Variants in CCDC9 observed in about 807,000 individuals in gnomAD.
The protein encoded by CCDC9 is coiled-coil domain containing 9.
In CCDC9, 52 loss-of-function variants were observed where a neutral mutation model predicts 65.6. The observed-to-expected ratio is 0.79, with a 90% CI of 0.63 to 1.00. The LOEUF is 1.00. CCDC9 is among the 50% of genes least tolerant of loss of function. The pLI, the probability that CCDC9 is intolerant of heterozygous loss-of-function variation, is 0.00. For missense variants in CCDC9, 834 were observed against 757.2 expected, an observed-to-expected ratio of 1.10 and a Z score of -1.19; for synonymous variants, 332 against 280.3, an observed-to-expected ratio of 1.18 and a Z score of -1.84.
intron 7 of CCDC9, 38 bp from the exon 8 acceptor site, chr19:47,266,573 C>T (rs771309913): frequency 3.3e-5 from 49 of 1,479,918 alleles, no homozygotes; most frequent in South Asian, 5.4e-5. Context: ...GGGTAGGGTG[C>T]GGGACATCAC....
chr19:47,271,037 G>C, intron 10 of CCDC9, 45 bp from the exon 11 acceptor site: 4 of 1,412,388 alleles, frequency 2.8e-6, no homozygotes, highest in Non-Finnish European at 3.9e-6. Flanking sequence ...CCTTCCTCCT[G>C]TCTACTCTCC....
chr19:47,257,447 G>A (rs1370248492), intron 1 of CCDC9: 1 of 150,948 alleles, frequency 6.6e-6, no homozygotes, highest in African/African-American at 2.4e-5. Context: ...AGTCTGGCGG[G>A]AAAGGCGGGG....
intron 8 of CCDC9, among the ~76,000 whole-genome samples, chr19:47,267,666 A>G (rs893275043): frequency 2.0e-5 from 3 of 152,094 alleles, no homozygotes; most frequent in Non-Finnish European, 2.9e-5. Context: ...TGGGGCGGGG[A>G]AATAAGCTCT....
At chr19:47,275,334 C>A (rs773733679), downstream of CCDC9, 1 of 1,545,124 alleles carries the variant, frequency 6.5e-7, no homozygotes, top group South Asian at 1.2e-5. Flanking sequence ...CGCGGAGGGG[C>A]GAAGACCCGG....
At position 47,265,984 on chromosome 19, in the gene CCDC9, C is replaced by CCTTTTTTTTTTTTT. The variant is rs1568639017; in HGVS notation, c.721-627_721-626insCTTTTTTTTTTTTT. On this transcript the variant is annotated intron_variant, in intron 7 of 11. Transcript: ENST00000221922. ...TACAGGCGTGAGCCACCGCTCCTGG[C>CCTTTTTTTTTTTTT]TTTTTTTTTTTTTTTTTTTTTTTTT... Among the ~76,000 whole-genome samples, 2 of 72,626 alleles carry CCTTTTTTTTTTTTT rather than the reference C, an allele frequency of 2.8e-5. 1 individual carries two copies. The allele number at this position is 72,626 out of a possible 152,430, so 47.6% of individuals were successfully genotyped here.
Position 47,264,631 on chromosome 19 carries a change from T to G in CCDC9, c.491T>G (p.Ile164Ser), listed in dbSNP as rs1284244767. 4 of 1,603,388 alleles carry G rather than the reference T, an allele frequency of 2.5e-6. No homozygotes were observed. In the South Asian group the frequency reaches 4.5e-5, roughly 18 times the overall value. The change falls in exon 6 of 12, where the codon ATT becomes AGT. Residue 164 changes from isoleucine (I) to serine (S), a missense_variant. Ile to Ser is a moderately radical substitution (Grantham distance 142). Transcript: ENST00000221922. ...TGGGAGGAGCGGCGCAGGCAGAACATTGAGAAGATGAATGAGGAGATGGAG... is the reference window on the plus strand; with the variant it reads ...TGGGAGGAGCGGCGCAGGCAGAACAGTGAGAAGATGAATGAGGAGATGGAG... ...KEWEERRRQN[I>S]EKMNEEMEKI...
intron 1 of CCDC9, among the ~76,000 whole-genome samples, chr19:47,257,120 C>T (rs1024919390): frequency 2.0e-5 from 3 of 146,748 alleles, no homozygotes; most frequent in Admixed American, 2.0e-4. Flanking sequence ...GCCACGGGCG[C>T]GGCCAGAGCG....
At chr19:47,272,119 G>C, downstream of CCDC9, 1 of 1,236,342 alleles carries the variant, frequency 8.1e-7, no homozygotes, top group Non-Finnish European at 1.0e-6. Context: ...CAGCCTCCGA[G>C]GAACCCAGGA....
chr19:47,274,916 G>A (rs1258457411), downstream of CCDC9: 6 of 1,314,152 alleles, frequency 4.6e-6, no homozygotes, highest in Non-Finnish European at 5.8e-6. Flanking sequence ...AGTGGGCTGC[G>A]GGGATGCGGG....
At chr19:47,271,041 A>G (rs201148233) in intron 10 of CCDC9, 41 bp from the exon 11 acceptor site, 4 of 1,420,820 alleles carry the variant, frequency 2.8e-6, no homozygotes, top group Middle Eastern at 3.5e-4. Context: ...CCTCCTGTCT[A>G]CTCTCCACCC....
downstream of CCDC9, chr19:47,275,538 T>C: frequency 1.3e-6 from 1 of 754,928 alleles, no homozygotes. Flanking sequence ...AGCTACTCTG[T>C]GGTCAGGCCG....
chr19:47,265,078 G>A (rs2059072581), intron 7 of CCDC9, 132 bp downstream of exon 7: 4 of 700,126 alleles, frequency 5.7e-6, no homozygotes, highest in Non-Finnish European at 8.1e-6. Flanking sequence ...TTTTTTTTGA[G>A]ACGGATTCTC....
chr19:47,271,807 C>T lies in CCDC9; in HGVS notation c.*129C>T. 2 of 1,443,896 alleles carry T rather than the reference C, an allele frequency of 1.4e-6. No individual in the cohort carries two copies. Among genetic ancestry groups the T allele is most frequent in the Non-Finnish European group, 1.8e-6 (2 of 1,103,580 alleles). The allele number at this position is 1,443,896 out of a possible 1,614,324, so 89.4% of individuals were successfully genotyped here. The stretch of plus-strand genomic sequence containing the variant: ...GGACCCTTGGGGCTGGGCCCTGGGA[C>T]CCAGTGTGCCCCACAGCCCTGTCAG... On this transcript the variant is annotated 3_prime_UTR_variant, in exon 12 of 12. Coordinates refer to ENST00000221922, the MANE Select transcript of CCDC9 (RefSeq NM_015603.3).
intron 10 of CCDC9, 33 bp from the exon 11 acceptor site, chr19:47,271,049 C>A: frequency 6.8e-7 from 1 of 1,469,656 alleles, no homozygotes; most frequent in Non-Finnish European, 9.2e-7. Flanking sequence ...CTACTCTCCA[C>A]CCAGGCATCA....
At position 47,271,279 on chromosome 19, in the gene CCDC9, C is replaced by T. The variant is rs561367074; in HGVS notation, c.1197C>T (p.Pro399=). The change falls in exon 12 of 12, where the codon CCC becomes CCT. Residue 399 remains proline, a synonymous_variant. Coordinates refer to ENST00000221922, the MANE Select transcript of CCDC9 (RefSeq NM_015603.3). Reference sequence around the variant, plus strand: ...ACTTGCCTGTGTCCCCAAAGCCACCCGAGATCCCAGCTCCTGCCCACCGGC... The same window carrying T: ...ACTTGCCTGTGTCCCCAAAGCCACCTGAGATCCCAGCTCCTGCCCACCGGC... ...TSPKETPMQP[P]EIPAPAHRPP... 2.7e-5 allele frequency: 44 copies of T among 1,612,300 alleles called. 1 individual carries two copies. The highest frequency in any genetic ancestry group is 1.1e-4 in the South Asian group (10 of 90,740).
At chr19:47,266,476 C>T in intron 7 of CCDC9, 135 bp from the exon 8 acceptor site, 3 of 1,364,762 alleles carry the variant, frequency 2.2e-6, no homozygotes, top group Non-Finnish European at 1.9e-6. Context: ...GAGGTGCCAC[C>T]TGAGCCTAGT....
Position 47,260,825 on chromosome 19 carries a change from G to A in CCDC9, c.448G>A (p.Asp150Asn). The change falls in exon 5 of 12, where the codon GAC (aspartate) becomes AAC (asparagine). Residue 150 changes from aspartate to asparagine, a missense_variant. By Grantham distance (23) the Asp-to-Asn change is conservative. Transcript: ENST00000221922. ...TGGAGCTGGAGACACCTCAATCTCT[G>A]ACCGTAAATCCAAGGTAGGAGCTAG... ...LSGAGDTSIS[D>N]RKSKEWEERR... is the part of the protein sequence containing the mutation. 1 of 1,612,836 alleles carries A rather than the reference G, an allele frequency of 6.2e-7. No individual in the cohort carries two copies. The highest frequency in any genetic ancestry group is 8.5e-7 in the Non-Finnish European group (1 of 1,179,510).
chr19:47,273,366 C>T (rs2059135769), downstream of CCDC9: 7 of 1,231,750 alleles, frequency 5.7e-6, no homozygotes, highest in South Asian at 2.5e-4. Flanking sequence ...GAGGCAGGCC[C>T]CGAAGGCCAG....
rs1352104712 is a variant in CCDC9 at position 47,271,847 on chromosome 19, C to A, written c.*169C>A. 7.1e-7 allele frequency: 1 copy of A among 1,411,182 alleles called. No individual in the cohort carries two copies. Among genetic ancestry groups the A allele is most frequent in the African/African-American group, 1.4e-5 (1 of 69,432 alleles). The allele number at this position is 1,411,182 out of a possible 1,614,324, so 87.4% of individuals were successfully genotyped here. On this transcript the variant is annotated 3_prime_UTR_variant, in exon 12 of 12. Coordinates refer to ENST00000221922, the MANE Select transcript of CCDC9 (RefSeq NM_015603.3). Reference sequence around the variant, plus strand: ...AGCCCTGTCAGCTGAGGGGGTAGCGCAGCCCATGCTCTTCTGTACTGTCAT... The same window carrying A: ...AGCCCTGTCAGCTGAGGGGGTAGCGAAGCCCATGCTCTTCTGTACTGTCAT...
Sources: allele counts gnomAD v4.1 joint callset (sites outside exome capture counted in the v4.1 genomes callset), GRCh38; gene constraint gnomAD v4.1.1; transcripts MANE v1.5; gene names NCBI Gene and HGNC (gene_info 2026-07-23, HGNC 2026-07-21).